STEAP1: variants seen among roughly 807,000 people sequenced by gnomAD.
STEAP1 encodes STEAP1 protein.
A neutral mutation model predicts 34.4 loss-of-function variants in STEAP1; 30 were observed. The observed-to-expected ratio is 0.87, with a 90% CI of 0.65 to 1.18. The LOEUF is 1.18. Among genes scored for constraint, STEAP1 ranks in the 50% most tolerant of loss-of-function variants. STEAP1 has a pLI of 0.00. For missense variants in STEAP1, 318 were observed against 391.1 expected, an observed-to-expected ratio of 0.81 and a Z score of 1.58; for synonymous variants, 116 against 135.3, an observed-to-expected ratio of 0.86 and a Z score of 0.99.
At chr7:90,163,713 G>A (rs1328476396) in intron 4 of STEAP1, among the ~76,000 whole-genome samples, 2 of 152,178 alleles carry the variant, frequency 1.3e-5, no homozygotes, top group African/African-American at 4.8e-5. Flanking sequence ...TAAAAGAGGT[G>A]TTGTCAGAAC....
Position 90,164,732 on chromosome 7 carries a change from T to C in STEAP1, c.1018T>C (p.Ter340GlnextTer?), listed in dbSNP as rs1337267651. 7 of 1,607,172 alleles carry C rather than the reference T, an allele frequency of 4.4e-6. No individual in the cohort carries two copies. The East Asian group carries it at 8.9e-5, about 21-fold the overall frequency. ...INKTEICSQL[*>Q] is the part of the protein sequence containing the mutation. ...CAAAACTGAGATATGTTCCCAGTTG[T>C]AGAATTACTGTTTACACACATTTTT... The change falls in exon 5 of 5, where the codon TAG (stop) becomes CAG (glutamine). Residue 340 changes from the stop codon to glutamine, a stop_lost. Transcript: ENST00000297205.
In STEAP1 at chr7:90,161,398, A is replaced by G. The variant is rs963536174; in HGVS notation, c.597+81A>G. 8 of 1,443,990 alleles carry G rather than the reference A, an allele frequency of 5.5e-6. No homozygotes were observed. In the African/African-American group the frequency reaches 5.7e-5, roughly 10 times the overall value. 89.4% of individuals were successfully genotyped at this position (1,443,990 alleles called of 1,614,324 possible). ...TTAATCATTTCTCATTGTAATATCA[A>G]TACCCCAACCCTGTTGAAACTCTGT... On this transcript the variant is annotated intron_variant, in intron 3 of 4. Transcript: ENST00000297205.
Position 90,160,521 on chromosome 7 carries a change from C to G in STEAP1, c.85-284C>G, listed in dbSNP as rs558450214. ...ATAGGGAAAAGTAATTAATAAATTA[C>G]AAGCATATACTTTATAAGAGTAACA... On this transcript the variant is annotated intron_variant, in intron 2 of 4. Transcript: ENST00000297205. Among the ~76,000 whole-genome samples the G allele has an allele frequency of 1.3e-4, 20 of 150,088 alleles. No individual in the cohort carries two copies. In the East Asian group the frequency reaches 3.1e-3, roughly 23 times the overall value.
intron 4 of STEAP1, 28 bp downstream of exon 4, chr7:90,162,106 A>C: frequency 2.6e-6 from 4 of 1,560,290 alleles, no homozygotes; most frequent in Non-Finnish European, 3.5e-6. Flanking sequence ...TAACCCTAAG[A>C]GGTAAATCTT....
chr7:90,160,304 C>T (rs536701719), intron 2 of STEAP1, among the ~76,000 whole-genome samples: 29 of 152,132 alleles, frequency 1.9e-4, no homozygotes, highest in African/African-American at 2.7e-4. Context: ...AGTAAATTGA[C>T]GATTCACTGT....
intron 1 of STEAP1, among the ~76,000 whole-genome samples, chr7:90,155,350 C>G (rs1385276471): frequency 6.6e-6 from 1 of 152,082 alleles, no homozygotes; most frequent in Admixed American, 6.5e-5. Flanking sequence ...GCAATGCAAC[C>G]CACAGTGTAT....
intron 4 of STEAP1, chr7:90,162,300 T>G (rs112025068): frequency 0.019 from 7,553 of 388,098 alleles, 462 homozygotes; most frequent in African/African-American, 0.15. Context: ...ATATTCTTTG[T>G]TTTTTTTTTT....
intron 1 of STEAP1, among the ~76,000 whole-genome samples, chr7:90,156,319 A>T (rs1228243780): frequency 6.6e-6 from 1 of 151,850 alleles, no homozygotes; most frequent in Non-Finnish European, 1.5e-5. Flanking sequence ...CTCAGATCTC[A>T]TGTTGAAATG....
chr7:90,159,201 C>T (rs1229748795), intron 1 of STEAP1, among the ~76,000 whole-genome samples: 1 of 152,158 alleles, frequency 6.6e-6, no homozygotes, highest in Non-Finnish European at 1.5e-5. Flanking sequence ...TAATTCGGCA[C>T]AACTCACCAT....
In STEAP1 at chr7:90,161,053, C is replaced by A. The variant is rs1562784598; in HGVS notation, c.333C>A (p.Ile111=). 1.2e-6 allele frequency: 2 copies of A among 1,613,880 alleles called. No homozygotes were observed. Among genetic ancestry groups the A allele is most frequent in the Non-Finnish European group, 1.7e-6 (2 of 1,179,872 alleles). ...SHQQYFYKIP[I]LVINKVLPMV... Reference sequence around the variant, plus strand: ...AACAATATTTTTATAAAATTCCAATCCTGGTCATCAACAAAGTCTTGCCAA... The same window carrying A: ...AACAATATTTTTATAAAATTCCAATACTGGTCATCAACAAAGTCTTGCCAA... Residue 111 remains isoleucine, a synonymous_variant, in exon 3 of 5, where the codon ATC becomes ATA. Transcript: ENST00000297205.
chr7:90,159,619 A>C (rs1794156303), intron 1 of STEAP1, 139 bp from the exon 2 acceptor site: 2 of 385,724 alleles, frequency 5.2e-6, no homozygotes, highest in Non-Finnish European at 9.1e-6. Flanking sequence ...TTAAATGTAT[A>C]AATCAGTCAC....
intron 4 of STEAP1, among the ~76,000 whole-genome samples, chr7:90,162,603 A>G (rs1324458270): frequency 6.6e-6 from 1 of 152,174 alleles, no homozygotes; most frequent in Non-Finnish European, 1.5e-5. Context: ...TGCTGGGATG[A>G]CAGTTGTGAG....
At chr7:90,154,620 G>C (rs1057099275) in intron 1 of STEAP1, 77 bp downstream of exon 1, 2 of 152,626 alleles carry the variant, frequency 1.3e-5, no homozygotes, top group African/African-American at 4.8e-5. Flanking sequence ...CTGGGCGCCC[G>C]CTCCCAGTCT....
Position 90,164,526 on chromosome 7 carries a change from T to C in STEAP1, c.812T>C (p.Ile271Thr), listed in dbSNP as rs775143929. Reference sequence around the variant, plus strand: ...CTACTGGGCACAATACACGCATTGATTTTTGCCTGGAATAAGTGGATAGAT... The same window carrying C: ...CTACTGGGCACAATACACGCATTGACTTTTGCCTGGAATAAGTGGATAGAT... ...SLLLGTIHAL[I>T]FAWNKWIDIK... Residue 271 changes from isoleucine to threonine, a missense_variant, in exon 5 of 5, where the codon ATT (isoleucine) becomes ACT (threonine). Physicochemically the swap from Ile to Thr is moderately conservative, Grantham distance 89. Transcript: ENST00000297205. The C allele has an allele frequency of 1.2e-6, 2 of 1,613,392 alleles. No individual in the cohort carries two copies. Among genetic ancestry groups the C allele is most frequent in the South Asian group, 2.2e-5 (2 of 90,978 alleles).
chr7:90,160,237 G>A (rs1794166063), intron 2 of STEAP1, among the ~76,000 whole-genome samples: 1 of 151,332 alleles, frequency 6.6e-6, no homozygotes, highest in Non-Finnish European at 1.5e-5. Context: ...CCATATAACA[G>A]TAATTTTGTA....
At chr7:90,155,514 G>C (rs1794107210) in intron 1 of STEAP1, among the ~76,000 whole-genome samples, 1 of 152,190 alleles carries the variant, frequency 6.6e-6, no homozygotes, top group Admixed American at 6.5e-5. Context: ...AAAAGGGGGT[G>C]AAAGAGAACT....
chr7:90,162,443 C>G (rs1156955693), intron 4 of STEAP1, among the ~76,000 whole-genome samples: 2 of 151,854 alleles, frequency 1.3e-5, no homozygotes, highest in East Asian at 3.9e-4. Context: ...ATTCTCTTGC[C>G]TCAGCCTCCT....
At chr7:90,156,458 C>T (rs978861328) in intron 1 of STEAP1, among the ~76,000 whole-genome samples, 6 of 152,178 alleles carry the variant, frequency 3.9e-5, no homozygotes, top group South Asian at 4.1e-4. Flanking sequence ...ACCCCGTGGC[C>T]GCAGACTGGT....
chr7:90,156,242 CT>C (rs1161750175), intron 1 of STEAP1, among the ~76,000 whole-genome samples: 2 of 152,174 alleles, frequency 1.3e-5, no homozygotes, highest in Non-Finnish European at 1.5e-5. Context: ...ACTTCCATTC[CT>C]AGCACCTCCC....
Sources: gnomAD v4.1 joint callset for allele counts (sites outside exome capture counted in the v4.1 genomes callset) on GRCh38, gnomAD v4.1.1 for gene constraint, MANE v1.5 for transcripts, NCBI Gene and HGNC (gene_info 2026-07-23, HGNC 2026-07-21) for gene names.